SETBP1: variants seen among roughly 807,000 people sequenced by gnomAD.
SETBP1 encodes the protein SET-binding protein.
In SETBP1, 9 loss-of-function variants were observed where a neutral mutation model predicts 101.0. That is an observed-to-expected ratio of 0.09 (90% CI 0.05 to 0.16). The LOEUF is 0.16. SETBP1 is among the 10% of genes least tolerant of loss of function. SETBP1 has a pLI of 1.00. For missense variants in SETBP1, 1,858 were observed against 2,033.8 expected (o/e 0.91, Z 1.66); for synonymous variants, 818 against 788.5 (o/e 1.04, Z -0.63).
chr18:44,775,129 C>T (rs1206972739), intron 2 of SETBP1, among the ~76,000 whole-genome samples: 2 of 152,198 alleles, frequency 1.3e-5, no homozygotes, highest in Non-Finnish European at 2.9e-5. Flanking sequence ...AGCCTGTGTC[C>T]TGGATCCTTT....
intron 3 of SETBP1, chr18:44,870,517 ACAGAGATGGCCAGTAAGC>A (rs1414853556): frequency 2.6e-5 from 4 of 152,196 alleles, no homozygotes; most frequent in African/African-American, 9.6e-5. Context: ...GAGTTTTTAG[ACAGAGATGGCCAGTAAGC>A]CTTTTTTGTC....
At chr18:44,750,150 G>A (rs1363196698) in intron 2 of SETBP1, among the ~76,000 whole-genome samples, 1 of 152,210 alleles carries the variant, frequency 6.6e-6, no homozygotes, top group Non-Finnish European at 1.5e-5. Flanking sequence ...TGGTGTATTA[G>A]TCAACTTGGG....
At chr18:44,696,917 G>A in intron 1 of SETBP1, among the ~76,000 whole-genome samples, 1 of 152,098 alleles carries the variant, frequency 6.6e-6, no homozygotes, top group East Asian at 1.9e-4. Context: ...TGTTTGCCTG[G>A]GGCCGACAAG....
chr18:44,940,342 G>T, intron 3 of SETBP1, among the ~76,000 whole-genome samples: 1 of 151,830 alleles, frequency 6.6e-6, no homozygotes, highest in African/African-American at 2.4e-5. Flanking sequence ...TTATTTTCTT[G>T]CAGTATATTA....
At chr18:44,792,558 C>T (rs1281811493) in intron 2 of SETBP1, among the ~76,000 whole-genome samples, 1 of 152,180 alleles carries the variant, frequency 6.6e-6, no homozygotes, top group Non-Finnish European at 1.5e-5. Flanking sequence ...TTTCCTGTTG[C>T]CCACCACCGC....
At chr18:44,736,483 C>T (rs907553748) in intron 2 of SETBP1, among the ~76,000 whole-genome samples, 3 of 152,140 alleles carry the variant, frequency 2.0e-5, no homozygotes, top group Admixed American at 2.0e-4. Context: ...GATGTCATTA[C>T]CCTAAGTTGG....
chr18:44,738,223 C>T (rs17710446), intron 2 of SETBP1, among the ~76,000 whole-genome samples: 2,988 of 152,284 alleles, frequency 0.02, 49 homozygotes, highest in South Asian at 0.042. Context: ...GCACTTAATG[C>T]TCCAATTGCC....
intron 2 of SETBP1, among the ~76,000 whole-genome samples, chr18:44,774,783 C>T (rs1471119537): frequency 6.6e-6 from 1 of 152,108 alleles, no homozygotes; most frequent in Non-Finnish European, 1.5e-5. Context: ...GTCACCTGAT[C>T]CCAGAGCATA....
chr18:44,895,026 ATC>A (rs1175305830), intron 3 of SETBP1, among the ~76,000 whole-genome samples: 1 of 149,160 alleles, frequency 6.7e-6, no homozygotes, highest in South Asian at 2.2e-4. Context: ...AGGTGGGAGG[ATC>A]ACTTGAGCCC....
chr18:44,778,286 A>T (rs1294560204), intron 2 of SETBP1, among the ~76,000 whole-genome samples: 1 of 152,116 alleles, frequency 6.6e-6, no homozygotes, highest in Admixed American at 6.5e-5. Flanking sequence ...TTCTCAGCCT[A>T]GGGGGGCCTA....
At position 44,884,255 on chromosome 18, in the gene SETBP1, T is replaced by G. The variant is rs377434995; in HGVS notation, c.540+14972T>G. 2.0e-5 allele frequency among the ~76,000 whole-genome samples: 3 copies of G among 152,218 alleles called. 1 individual carries two copies. The highest frequency in any genetic ancestry group is 3.9e-4 in the East Asian group (2 of 5,194). ...ACTCCTCTGAGCCTCAGTGTTCTCA[T>G]GCATGCAATGGAGGGAACAATATTC... On this transcript the variant is annotated intron_variant, in intron 3 of 5. Coordinates refer to ENST00000649279, the MANE Select transcript of SETBP1 (RefSeq NM_015559.3).
chr18:44,829,338 T>G (rs1339421034), intron 2 of SETBP1, among the ~76,000 whole-genome samples: 1 of 152,256 alleles, frequency 6.6e-6, no homozygotes, highest in Non-Finnish European at 1.5e-5. Context: ...TAATTTTTTT[T>G]GGTCAAGTAT....
chr18:45,047,797 A>G (rs1300481588), intron 5 of SETBP1, among the ~76,000 whole-genome samples: 1 of 152,134 alleles, frequency 6.6e-6, no homozygotes, highest in African/African-American at 2.4e-5. Flanking sequence ...CATGGAGAGA[A>G]AGGAGGCAGG....
chr18:45,029,055 T>C (rs370859572), intron 4 of SETBP1, among the ~76,000 whole-genome samples: 7 of 152,250 alleles, frequency 4.6e-5, no homozygotes, highest in Non-Finnish European at 1.0e-4. Flanking sequence ...GTTGCCATTG[T>C]TTTTGGTGTT....
chr18:44,848,398 A>G lies in SETBP1; in HGVS notation c.487-20832A>G, dbSNP rs904504485. On this transcript the variant is annotated intron_variant, in intron 2 of 5. Coordinates refer to ENST00000649279, the MANE Select transcript of SETBP1 (RefSeq NM_015559.3). ...GTGCCCTCCTATGGAAGTGTCATCA[A>G]AGGCTGGGAAGTGGCCTGCAGAAAA... 2.0e-5 allele frequency among the ~76,000 whole-genome samples: 3 copies of G among 152,192 alleles called. No individual in the cohort carries two copies. In the East Asian group the frequency reaches 5.8e-4, roughly 29 times the overall value.
intron 2 of SETBP1, among the ~76,000 whole-genome samples, chr18:44,763,022 T>C (rs1461650116): frequency 1.3e-5 from 2 of 152,206 alleles, no homozygotes; most frequent in Non-Finnish European, 2.9e-5. Flanking sequence ...CTAATATGTA[T>C]ATAATAAGTG....
At chr18:45,016,742 C>T in intron 4 of SETBP1, among the ~76,000 whole-genome samples, 1 of 145,794 alleles carries the variant, frequency 6.9e-6, no homozygotes, top group East Asian at 2.0e-4. Context: ...CACACACACA[C>T]ACACACACAC....
At position 44,950,423 on chromosome 18, in the gene SETBP1, A is replaced by G. The variant is rs373675944; in HGVS notation, c.1083A>G (p.Ala361=). 182 of 1,614,066 alleles carry G rather than the reference A, an allele frequency of 1.1e-4. No homozygotes were observed. Among genetic ancestry groups the G allele is most frequent in the Non-Finnish European group, 1.5e-4 (179 of 1,180,046 alleles). The change falls in exon 4 of 6, where the codon GCA becomes GCG. Residue 361 remains alanine (A), a synonymous_variant. Coordinates refer to ENST00000649279, the MANE Select transcript of SETBP1 (RefSeq NM_015559.3). ...DLDWVKNAQK[A]FDNTEGKREG... ...ATTGGGTCAAGAATGCCCAGAAAGC[A>G]TTTGACAATACAGAAGGGAAAAGGG...
At chr18:44,826,955 T>A (rs144796290) in intron 2 of SETBP1, among the ~76,000 whole-genome samples, 65 of 152,266 alleles carry the variant, frequency 4.3e-4, no homozygotes, top group Middle Eastern at 3.4e-3. Context: ...AAACTACAGT[T>A]TCTTGAGCTT....
Sources: gnomAD v4.1 joint callset for allele counts (sites outside exome capture counted in the v4.1 genomes callset) on GRCh38, gnomAD v4.1.1 for gene constraint, MANE v1.5 for transcripts, NCBI Gene and HGNC (gene_info 2026-07-23, HGNC 2026-07-21) for gene names.